THRB: variants seen among roughly 807,000 people sequenced by gnomAD.
THRB encodes the protein thyroid hormone receptor beta, also known as nuclear receptor subfamily 1 group A member 2.
A neutral mutation model predicts 47.8 loss-of-function variants in THRB; 12 were observed. That is an observed-to-expected ratio of 0.25 (90% CI 0.16 to 0.41). The LOEUF (loss-of-function observed/expected upper bound fraction) is 0.41, where lower values mean the gene tolerates loss of function less well. THRB is among the 10% of genes least tolerant of loss of function. The pLI is 1.00. For synonymous variants in THRB, 218 were observed against 212.2 expected, an observed-to-expected ratio of 1.03 and a Z score of -0.24; for missense variants, 348 against 589.2, an observed-to-expected ratio of 0.59 and a Z score of 4.24.
chr3:24,123,755 G>C (rs528698091), intron 10 of THRB, among the ~76,000 whole-genome samples: 27 of 152,274 alleles, frequency 1.8e-4, no homozygotes, highest in Non-Finnish European at 2.4e-4. Context: ...AATGAAAAGG[G>C]GAGGGGAGCT....
chr3:24,393,823 G>C (rs572008729), intron 1 of THRB, among the ~76,000 whole-genome samples: 7 of 152,254 alleles, frequency 4.6e-5, no homozygotes, highest in Non-Finnish European at 7.3e-5. Context: ...AGATGGATCT[G>C]ATGTGTCCAG....
intron 5 of THRB, among the ~76,000 whole-genome samples, chr3:24,188,488 A>C (rs1187845804): frequency 6.6e-6 from 1 of 152,196 alleles, no homozygotes; most frequent in Non-Finnish European, 1.5e-5. Flanking sequence ...TTTAAGATGC[A>C]TAGATTTATT....
intron 2 of THRB, among the ~76,000 whole-genome samples, chr3:24,320,136 G>T (rs553534376): frequency 6.6e-6 from 1 of 152,128 alleles, no homozygotes; most frequent in East Asian, 1.9e-4. Context: ...AAAACCCTCC[G>T]AAGAGTGTAA....
chr3:24,290,816 A>AT (rs1452952005), intron 3 of THRB, among the ~76,000 whole-genome samples: 4 of 152,176 alleles, frequency 2.6e-5, no homozygotes. Context: ...AGAAGCTAAT[A>AT]TTTTTCTATG....
chr3:24,363,666 G>T (rs1264211792), intron 1 of THRB, among the ~76,000 whole-genome samples: 1 of 152,092 alleles, frequency 6.6e-6, no homozygotes, highest in African/African-American at 2.4e-5. Context: ...ACATCTTTTG[G>T]CAACTCTGTG....
At chr3:24,284,659 A>G (rs1333763230) in intron 3 of THRB, among the ~76,000 whole-genome samples, 2 of 149,496 alleles carry the variant, frequency 1.3e-5, no homozygotes, top group Non-Finnish European at 2.9e-5. Flanking sequence ...ACAGAATGGG[A>G]GAAAATTTTT....
At chr3:24,471,938 C>T (rs1694764682) in intron 1 of THRB, among the ~76,000 whole-genome samples, 1 of 152,270 alleles carries the variant, frequency 6.6e-6, no homozygotes, top group South Asian at 2.1e-4. Context: ...TTTCCTGTCC[C>T]CACAACCAGA....
chr3:24,305,498 C>T (rs1290745259), intron 2 of THRB, among the ~76,000 whole-genome samples: 1 of 152,130 alleles, frequency 6.6e-6, no homozygotes, highest in African/African-American at 2.4e-5. Flanking sequence ...ATGTTAGCAG[C>T]TGCTTATATA....
chr3:24,351,246 G>A (rs1306005350), intron 1 of THRB, among the ~76,000 whole-genome samples: 2 of 152,044 alleles, frequency 1.3e-5, no homozygotes, highest in Non-Finnish European at 2.9e-5. Context: ...CATGGCCACA[G>A]AGAGAAATTT....
At chr3:24,493,220 C>A (rs1430428373) in intron 1 of THRB, among the ~76,000 whole-genome samples, 1 of 152,140 alleles carries the variant, frequency 6.6e-6, no homozygotes, top group Non-Finnish European at 1.5e-5. Flanking sequence ...TGACTGATTT[C>A]GGAATTAGAA....
chr3:24,264,625 A>G (rs976771699), intron 3 of THRB, among the ~76,000 whole-genome samples: 9 of 151,922 alleles, frequency 5.9e-5, no homozygotes, highest in Non-Finnish European at 8.8e-5. Context: ...GCTACTGACA[A>G]AACATTCATT....
chr3:24,396,221 C>A (rs565524654), intron 1 of THRB, among the ~76,000 whole-genome samples: 1 of 152,002 alleles, frequency 6.6e-6, no homozygotes, highest in South Asian at 2.1e-4. Context: ...TCACTATAGA[C>A]CTTAGTTCTC....
At chr3:24,411,813 A>C (rs528230520) in intron 1 of THRB, among the ~76,000 whole-genome samples, 6 of 151,840 alleles carry the variant, frequency 4.0e-5, no homozygotes, top group Admixed American at 6.6e-5. Context: ...ACAACAGAGA[A>C]TTATTTAACC....
At chr3:24,434,878 A>G (rs189586410) in intron 1 of THRB, among the ~76,000 whole-genome samples, 2 of 152,354 alleles carry the variant, frequency 1.3e-5, no homozygotes, top group East Asian at 3.9e-4. Flanking sequence ...GTCAGCTGCT[A>G]TCAGTCTGTG....
intron 2 of THRB, among the ~76,000 whole-genome samples, chr3:24,330,028 A>G (rs913456292): frequency 6.6e-6 from 1 of 152,186 alleles, no homozygotes; most frequent in Non-Finnish European, 1.5e-5. Flanking sequence ...CATTTCGGCC[A>G]GGCGCGGTGG....
intron 1 of THRB, among the ~76,000 whole-genome samples, chr3:24,406,449 A>G (rs931962115): frequency 1.3e-5 from 2 of 151,760 alleles, no homozygotes; most frequent in African/African-American, 4.8e-5. Flanking sequence ...CTCTAGTAGT[A>G]AAAATTTCTT....
At chr3:24,227,714 T>C (rs943034457) in intron 4 of THRB, among the ~76,000 whole-genome samples, 2 of 152,176 alleles carry the variant, frequency 1.3e-5, no homozygotes, top group Non-Finnish European at 2.9e-5. Flanking sequence ...TACTGGAGAA[T>C]AAGTTCTTGG....
At chr3:24,422,939 T>G (rs1023468345) in intron 1 of THRB, among the ~76,000 whole-genome samples, 1 of 151,874 alleles carries the variant, frequency 6.6e-6, no homozygotes, top group African/African-American at 2.4e-5. Context: ...TTCTGGATCT[T>G]GGGACTTCTT....
At position 24,280,443 on chromosome 3, in the gene THRB, C is replaced by T. The variant is rs564972578; in HGVS notation, c.-43+16783G>A. ...ACACCAAAAACCCATCTGTACATCA[C>T]CATCATCAAAGACCAAAAGTAGGTA... is the stretch of plus-strand genomic sequence containing the variant. On this transcript the variant is annotated intron_variant, in intron 3 of 10. Transcript: ENST00000646209. Among the ~76,000 whole-genome samples the T allele has an allele frequency of 1.5e-4, 23 of 152,190 alleles. No homozygotes were observed. The East Asian group carries it at 4.4e-3, about 29-fold the overall frequency.
Sources: allele counts gnomAD v4.1 joint callset (sites outside exome capture counted in the v4.1 genomes callset), GRCh38; gene constraint gnomAD v4.1.1; transcripts MANE v1.5; gene names NCBI Gene and HGNC (gene_info 2026-07-23, HGNC 2026-07-21).